The following CPS1 variants were observed in gnomAD, a reference collection of about 807,000 sequenced individuals.
The protein encoded by CPS1 is carbamoyl-phosphate synthase 1.
In CPS1, 109 loss-of-function variants were observed where a neutral mutation model predicts 174.6. The ratio of observed to expected loss-of-function variants is 0.62; its 90% confidence interval spans 0.53 to 0.73. The LOEUF (loss-of-function observed/expected upper bound fraction) is 0.73. Ranked by LOEUF, CPS1 falls within the 30% of genes least tolerant of loss-of-function variation. The probability of loss-of-function intolerance (pLI) is 0.00; values close to 1 mark genes in which losing one functional copy is unlikely to be tolerated. For synonymous variants in CPS1, 637 were observed against 632.0 expected (o/e 1.01, Z -0.12); for missense variants, 1,689 against 1,821.9 (o/e 0.93, Z 1.33).
At chr2:210,487,710 C>T (rs1694766407) in intron 1 of CPS1, among the ~76,000 whole-genome samples, 1 of 140,414 alleles carries the variant, frequency 7.1e-6, no homozygotes, top group East Asian at 2.0e-4. Context: ...AAAGCGAAAT[C>T]TGATTCTTAT....
chr2:210,519,011 C>T (rs1695752878), intron 1 of CPS1, among the ~76,000 whole-genome samples: 2 of 151,960 alleles, frequency 1.3e-5, no homozygotes, highest in African/African-American at 4.8e-5. Context: ...GTGAGTGAAA[C>T]CAGCAGAGTT....
intron 1 of CPS1, among the ~76,000 whole-genome samples, chr2:210,499,424 A>C (rs1695084108): frequency 6.6e-6 from 1 of 152,236 alleles, no homozygotes; most frequent in Admixed American, 6.5e-5. Context: ...AGGGGAGAGC[A>C]CAATTCCAGT....
chr2:210,613,985 G>A (rs2105862128), intron 20 of CPS1, among the ~76,000 whole-genome samples: 1 of 152,056 alleles, frequency 6.6e-6, no homozygotes, highest in African/African-American at 2.4e-5. Flanking sequence ...GAAAAAGAAT[G>A]AAGGGAGTGT....
intron 23 of CPS1, among the ~76,000 whole-genome samples, 165 bp from the exon 24 acceptor site, chr2:210,639,831 G>A (rs1700160458): frequency 6.6e-6 from 1 of 151,850 alleles, no homozygotes; most frequent in Non-Finnish European, 1.5e-5. Context: ...AAATAAGTAG[G>A]GCTTGTATAA....
Position 210,573,423 on chromosome 2 carries a change from C to T in CPS1, c.236+16C>T. ...GCCTGGGAGGGTGAGTAATGCTTTT[C>T]CAAGGCTTTATTTTTCCTCTAGTAG... On this transcript the variant is annotated intron_variant, in intron 2 of 37. Coordinates refer to ENST00000233072, the MANE Select transcript of CPS1 (RefSeq NM_001875.5). 1 of 1,571,120 alleles carries T rather than the reference C, an allele frequency of 6.4e-7. No individual in the cohort carries two copies. Among genetic ancestry groups the T allele is most frequent in the African/African-American group, 1.3e-5 (1 of 74,128 alleles).
At chr2:210,609,984 T>G (rs1192538328) in intron 19 of CPS1, among the ~76,000 whole-genome samples, 1 of 151,958 alleles carries the variant, frequency 6.6e-6, no homozygotes, top group Non-Finnish European at 1.5e-5. Flanking sequence ...TAGTAACAAA[T>G]CAACAAATTG....
At chr2:210,648,159 A>G in intron 26 of CPS1, 102 bp downstream of exon 26, 1 of 1,154,656 alleles carries the variant, frequency 8.7e-7, no homozygotes, top group East Asian at 2.4e-5. Flanking sequence ...ACTACAGGGC[A>G]GATAGAATGC....
chr2:210,528,350 G>C (rs1262954630), intron 1 of CPS1, among the ~76,000 whole-genome samples: 1 of 151,658 alleles, frequency 6.6e-6, no homozygotes, highest in Non-Finnish European at 1.5e-5. Context: ...TTATTTCTTT[G>C]TGTCAACAGC....
intron 21 of CPS1, chr2:210,619,957 A>C (rs1172720440): frequency 1.3e-5 from 2 of 152,016 alleles, no homozygotes; most frequent in African/African-American, 4.8e-5. Flanking sequence ...TAAGGGAGGG[A>C]TAGCATTAGG....
chr2:210,599,353 A>T lies in CPS1; in HGVS notation c.1360-19A>T. ...TTTAGACCATATATTCATGTACTGG[A>T]TTCTTTTGTTTCTTTCAGGAAGAAA... On this transcript the variant is annotated intron_variant, in intron 13 of 37. Coordinates refer to ENST00000233072, the MANE Select transcript of CPS1 (RefSeq NM_001875.5). 6.2e-7 allele frequency: 1 copy of T among 1,609,524 alleles called. No individual in the cohort carries two copies. The highest frequency in any genetic ancestry group is 8.5e-7 in the Non-Finnish European group (1 of 1,176,574).
At chr2:210,560,251 C>T (rs915144569) in intron 1 of CPS1, among the ~76,000 whole-genome samples, 23 of 151,832 alleles carry the variant, frequency 1.5e-4, no homozygotes, top group East Asian at 3.9e-4. Flanking sequence ...TTAATAAACA[C>T]GGAACCTCTA....
Position 210,612,173 on chromosome 2 carries a change from CCA to C in CPS1, c.2450_2451del (p.His817ProfsTer19). 1 of 1,612,132 alleles carries C rather than the reference CCA, an allele frequency of 6.2e-7. No homozygotes were observed. Reference sequence around the variant, plus strand: ...GTTTCCAGAAAGCTTTACGGATGTGCCACCCATCTATAGAAGGTTTCACTCCC... The same window carrying C: ...GTTTCCAGAAAGCTTTACGGATGTGCCCCATCTATAGAAGGTTTCACTCCC... ...ESFQKALRMC[H>X]PSIEGFTPRL... is the part of the protein sequence containing the mutation. On this transcript the variant is annotated frameshift_variant, in exon 20 of 38. Coordinates refer to ENST00000233072, the MANE Select transcript of CPS1 (RefSeq NM_001875.5). LOFTEE classifies it high-confidence loss of function.
At chr2:210,514,131 T>C (rs1232560211) in intron 1 of CPS1, among the ~76,000 whole-genome samples, 1 of 152,086 alleles carries the variant, frequency 6.6e-6, no homozygotes, top group East Asian at 1.9e-4. Flanking sequence ...TTTCCAGCTT[T>C]GTTCTTTTTG....
At chr2:210,564,218 C>T (rs997026746) in intron 1 of CPS1, among the ~76,000 whole-genome samples, 6 of 152,194 alleles carry the variant, frequency 3.9e-5, no homozygotes, top group African/African-American at 9.6e-5. Context: ...TCAACATCCA[C>T]GGCAGACAAA....
In CPS1 at chr2:210,599,374, A is replaced by G. The variant is rs367595511; in HGVS notation, c.1362A>G (p.Glu454=). 24 of 1,612,002 alleles carry G rather than the reference A, an allele frequency of 1.5e-5. No homozygotes were observed. Among genetic ancestry groups the G allele is most frequent in the Non-Finnish European group, 2.0e-5 (24 of 1,178,788 alleles). Residue 454 remains glutamate (E), a splice_region_variant and synonymous_variant, in exon 14 of 38, where the codon GAA becomes GAG. Coordinates refer to ENST00000233072, the MANE Select transcript of CPS1 (RefSeq NM_001875.5). ...CTGGATTCTTTTGTTTCTTTCAGGA[A>G]GAAAATGTCAAAACTGTTCTGATGA... ...SGSQAVKAMK[E]ENVKTVLMNP... is the part of the protein sequence containing the mutation.
intron 1 of CPS1, among the ~76,000 whole-genome samples, chr2:210,558,516 A>G (rs377748965): frequency 5.8e-4 from 88 of 152,146 alleles, no homozygotes; most frequent in African/African-American, 2.1e-3. Context: ...GAGAAAATCA[A>G]TAGTAATGAA....
chr2:210,637,746 G>A lies in CPS1; in HGVS notation c.2732G>A (p.Gly911Glu), dbSNP rs1388955593. The A allele has an allele frequency of 1.9e-6, 3 of 1,613,854 alleles. No individual in the cohort carries two copies. Among genetic ancestry groups the A allele is most frequent in the Non-Finnish European group, 2.5e-6 (3 of 1,179,928 alleles). ...EETLKRAKEI[G>E]FSDKQISKCL... ...ACCCTGAAAAGGGCAAAGGAGATTG[G>A]GTTCTCAGATAAGCAGATTTCAAAA... The change falls in exon 22 of 38, where the codon GGG becomes GAG. Residue 911 changes from glycine (G) to glutamate (E), a missense_variant. Transcript: ENST00000233072.
intron 7 of CPS1, 36 bp downstream of exon 7, chr2:210,588,183 T>C: frequency 6.4e-7 from 1 of 1,566,724 alleles, no homozygotes; most frequent in Non-Finnish European, 8.8e-7. Context: ...TGAGGGTTTG[T>C]CATATTGACC....
At chr2:210,635,330 T>G (rs1700010971) in intron 21 of CPS1, among the ~76,000 whole-genome samples, 1 of 152,208 alleles carries the variant, frequency 6.6e-6, no homozygotes, top group African/African-American at 2.4e-5. Context: ...TATCTTTCTC[T>G]GGCCTCACGT....
Sources: gnomAD v4.1 joint callset for allele counts (sites outside exome capture counted in the v4.1 genomes callset) on GRCh38, gnomAD v4.1.1 for gene constraint, MANE v1.5 for transcripts, NCBI Gene and HGNC (gene_info 2026-07-23, HGNC 2026-07-21) for gene names.